Variants in LIPH observed in about 807,000 individuals in gnomAD.
LIPH encodes lipase member H.
In LIPH, 32 loss-of-function variants were observed where a neutral mutation model predicts 47.6. The observed-to-expected ratio is 0.67, with a 90% CI of 0.51 to 0.90. The LOEUF (loss-of-function observed/expected upper bound fraction) is 0.90. LIPH is among the 40% of genes least tolerant of loss of function. LIPH has a pLI of 0.00. For synonymous variants in LIPH, 190 were observed against 195.6 expected (o/e 0.97, Z 0.24); for missense variants, 497 against 541.4 (o/e 0.92, Z 0.81).
chr3:185,551,319 T>C (rs2148968560), intron 1 of LIPH, among the ~76,000 whole-genome samples: 1 of 152,338 alleles, frequency 6.6e-6, no homozygotes, highest in Non-Finnish European at 1.5e-5. Context: ...GAAATCCTAA[T>C]ACTATTTTTC....
Position 185,508,519 on chromosome 3 carries a change from C to G in LIPH, c.*271G>C, listed in dbSNP as rs1387864726. ...AGGCAGCAGAATTGACAGGTCGGAA[C>G]AAGGGAGGCCCCAGGACACAGCAGA... On this transcript the variant is annotated 3_prime_UTR_variant, in exon 10 of 10. Transcript: ENST00000296252. 3 of 459,342 alleles carry G rather than the reference C, an allele frequency of 6.5e-6. No homozygotes were observed. In the East Asian group the frequency reaches 1.2e-4, roughly 19 times the overall value. 28.5% of individuals were successfully genotyped at this position (459,342 alleles called of 1,614,324 possible).
intron 5 of LIPH, among the ~76,000 whole-genome samples, chr3:185,522,407 G>A (rs893001054): frequency 6.6e-6 from 1 of 151,886 alleles, no homozygotes. Context: ...ACTTTGGGAG[G>A]CCAAGGCAGG....
intron 8 of LIPH, among the ~76,000 whole-genome samples, chr3:185,512,752 G>A (rs1273986126): frequency 6.6e-6 from 1 of 151,358 alleles, no homozygotes; most frequent in African/African-American, 2.4e-5. Flanking sequence ...GCCTCCCAAG[G>A]TGCTGGAATT....
In LIPH at chr3:185,514,473, CTTCTTACA is replaced by C. The variant is rs755255455; in HGVS notation, c.1023_1030del (p.Asn341LysfsTer23). 4 of 1,580,748 alleles carry C rather than the reference CTTCTTACA, an allele frequency of 2.5e-6. No individual in the cohort carries two copies. In the African/African-American group the frequency reaches 5.4e-5, roughly 21 times the overall value. The stretch of plus-strand genomic sequence containing the variant: ...TCTCAATTTGATGGTAATGTCCCCT[CTTCTTACA>C]TTCTTGTTCCATGTTATAATATCCA... On this transcript the variant is annotated frameshift_variant, in exon 8 of 10. Coordinates refer to ENST00000296252, the MANE Select transcript of LIPH (RefSeq NM_139248.3).
chr3:185,517,132 A>G lies in LIPH; in HGVS notation c.917T>C (p.Leu306Pro), dbSNP rs950306164. 9 of 1,610,552 alleles carry G rather than the reference A, an allele frequency of 5.6e-6. No individual in the cohort carries two copies. The highest frequency in any genetic ancestry group is 6.8e-6 in the Non-Finnish European group (8 of 1,176,722). Residue 306 changes from leucine to proline, a missense_variant, in exon 7 of 10, where the codon CTA becomes CCA. Physicochemically the swap from Leu to Pro is moderately conservative, Grantham distance 98. Coordinates refer to ENST00000296252, the MANE Select transcript of LIPH (RefSeq NM_139248.3). ...GYYADNWKDH[L>P]RGKDPPMTKA... is the part of the protein sequence containing the mutation. ...CGTCATTGGAGGATCTTTCCCCCTT[A>G]GATGGTCTTTCCAATTATCAGCATA...
chr3:185,552,262 A>T (rs1721072058), intron 1 of LIPH, among the ~76,000 whole-genome samples, 161 bp downstream of exon 1: 1 of 150,528 alleles, frequency 6.6e-6, no homozygotes, highest in Admixed American at 6.6e-5. Context: ...TTTTTTAAGG[A>T]AATGTTAAGG....
intron 2 of LIPH, 131 bp downstream of exon 2, chr3:185,534,633 TG>T: frequency 2.4e-6 from 2 of 850,354 alleles, no homozygotes; most frequent in Non-Finnish European, 3.8e-6. Flanking sequence ...CCACCTTCCC[TG>T]GGGCTTATTC....
At chr3:185,526,767 C>A (rs1244468331) in intron 4 of LIPH, among the ~76,000 whole-genome samples, 1 of 149,202 alleles carries the variant, frequency 6.7e-6, no homozygotes, top group African/African-American at 2.5e-5. Flanking sequence ...CTGCAGAGAG[C>A]CAGAGAGCTG....
At chr3:185,533,763 G>A in intron 2 of LIPH, 84 bp from the exon 3 acceptor site, 1 of 890,078 alleles carries the variant, frequency 1.1e-6, no homozygotes, top group South Asian at 1.4e-5. Flanking sequence ...TGTTGACTTT[G>A]GAGAAGTAAT....
chr3:185,514,510 A>T lies in LIPH; in HGVS notation c.994T>A (p.Phe332Ile). 7.7e-7 allele frequency: 1 copy of T among 1,300,544 alleles called. No homozygotes were observed. Among genetic ancestry groups the T allele is most frequent in the Non-Finnish European group, 1.1e-6 (1 of 893,566 alleles). 80.6% of individuals were successfully genotyped at this position (1,300,544 alleles called of 1,614,324 possible). Residue 332 changes from phenylalanine to isoleucine, a missense_variant, in exon 8 of 10, where the codon TTT becomes ATT. Physicochemically the swap from Phe to Ile is conservative, Grantham distance 21. Coordinates refer to ENST00000296252, the MANE Select transcript of LIPH (RefSeq NM_139248.3). ...EESPFCMYHY[F>I]VDIITWNKNV... ...TTGTTCCATGTTATAATATCCACAAAGTAATGATACACTGCAAAACAGAGA... is the reference window on the plus strand; with the variant it reads ...TTGTTCCATGTTATAATATCCACAATGTAATGATACACTGCAAAACAGAGA...
intron 3 of LIPH, among the ~76,000 whole-genome samples, chr3:185,528,899 G>A (rs972235146): frequency 6.6e-6 from 1 of 150,928 alleles, no homozygotes; most frequent in Non-Finnish European, 1.5e-5. Context: ...TGTGGTGGCT[G>A]ACCACTGTAA....
intron 8 of LIPH, among the ~76,000 whole-genome samples, chr3:185,512,815 G>T (rs948241739): frequency 3.3e-5 from 5 of 152,000 alleles, no homozygotes; most frequent in African/African-American, 9.7e-5. Context: ...TTGGGAATGG[G>T]GTAATCGTGA....
intron 5 of LIPH, among the ~76,000 whole-genome samples, chr3:185,522,178 G>A (rs754777127): frequency 2.6e-5 from 4 of 152,146 alleles, no homozygotes; most frequent in African/African-American, 7.2e-5. Context: ...TACAGGGACC[G>A]TCCAGTGACA....
chr3:185,550,124 A>AT (rs1721007168), intron 1 of LIPH, among the ~76,000 whole-genome samples: 1 of 152,156 alleles, frequency 6.6e-6, no homozygotes. Context: ...ATGCTTGTTA[A>AT]TTTTTGAACT....
intron 3 of LIPH, among the ~76,000 whole-genome samples, chr3:185,529,950 GAAAGAAAGAAAGAAGGAAAGAA>G (rs1242696396): frequency 1.3e-3 from 69 of 54,644 alleles, no homozygotes; most frequent in South Asian, 0.013. Flanking sequence ...AAGAAAGAAA[GAAAGAAAGAAAGAAGGAAAGAA>G]AGAAAGAGAG....
At chr3:185,525,585 C>G (rs938725425) in intron 4 of LIPH, among the ~76,000 whole-genome samples, 4 of 151,906 alleles carry the variant, frequency 2.6e-5, no homozygotes, top group African/African-American at 9.7e-5. Flanking sequence ...TGAGACCAGC[C>G]TGGGCAACAT....
At chr3:185,539,839 T>A (rs534192396) in intron 1 of LIPH, among the ~76,000 whole-genome samples, 1 of 152,228 alleles carries the variant, frequency 6.6e-6, no homozygotes, top group Non-Finnish European at 1.5e-5. Context: ...GAGAAACTTC[T>A]GGAGGAAGCA....
At chr3:185,534,296 C>T (rs565179856) in intron 2 of LIPH, among the ~76,000 whole-genome samples, 10 of 151,622 alleles carry the variant, frequency 6.6e-5, no homozygotes, top group South Asian at 2.1e-4. Flanking sequence ...GCAAAGGTTG[C>T]GGTGAGCTGA....
At chr3:185,539,489 G>A (rs1720635153) in intron 1 of LIPH, among the ~76,000 whole-genome samples, 1 of 151,040 alleles carries the variant, frequency 6.6e-6, no homozygotes, top group African/African-American at 2.4e-5. Context: ...TACTGCCTCA[G>A]CCTCTTGAGT....
Sources: gnomAD v4.1 joint callset for allele counts (sites outside exome capture counted in the v4.1 genomes callset) on GRCh38, gnomAD v4.1.1 for gene constraint, MANE v1.5 for transcripts, NCBI Gene and HGNC (gene_info 2026-07-23, HGNC 2026-07-21) for gene names.